The following TTLL5 variants were observed in gnomAD, a reference collection of about 807,000 sequenced individuals.
The protein encoded by TTLL5 is tubulin polyglutamylase TTLL5.
Under a neutral mutation model 168.4 loss-of-function variants are expected in TTLL5, and 132 were observed. The ratio of observed to expected loss-of-function variants is 0.78; its 90% CI spans 0.68 to 0.91. TTLL5 has a LOEUF of 0.91. Ranked by LOEUF, TTLL5 falls within the 40% of genes least tolerant of loss-of-function variation. TTLL5 has a pLI of 0.00. For missense variants in TTLL5, 1,545 were observed against 1,581.5 expected (o/e 0.98, Z 0.39); for synonymous variants, 546 against 558.6 (o/e 0.98, Z 0.32).
intron 1 of TTLL5, 50 bp from the exon 2 acceptor site, chr14:75,663,005 A>G: frequency 1.4e-6 from 1 of 732,448 alleles, no homozygotes; most frequent in Non-Finnish European, 2.5e-6. Context: ...TAAATAGACA[A>G]CTGCATTGTG....
At chr14:75,708,425 A>C (rs967580742) in intron 9 of TTLL5, among the ~76,000 whole-genome samples, 1 of 151,814 alleles carries the variant, frequency 6.6e-6, no homozygotes, top group Non-Finnish European at 1.5e-5. Context: ...CTCCAGGTTC[A>C]CGCCATTCTC....
chr14:75,814,235 GTGAT>G (rs1894244062), intron 27 of TTLL5, among the ~76,000 whole-genome samples: 2 of 152,364 alleles, frequency 1.3e-5, no homozygotes, highest in South Asian at 2.1e-4. Context: ...TGGTGAGCCA[GTGAT>G]TGATTTTGTG....
At chr14:75,763,094 A>G (rs757743494) in intron 18 of TTLL5, among the ~76,000 whole-genome samples, 2 of 152,192 alleles carry the variant, frequency 1.3e-5, no homozygotes, top group Non-Finnish European at 2.9e-5. Context: ...GTTTGTCCAT[A>G]TAGTTATCAA....
At chr14:75,747,867 T>C (rs1889706932) in intron 17 of TTLL5, among the ~76,000 whole-genome samples, 1 of 152,210 alleles carries the variant, frequency 6.6e-6, no homozygotes, top group African/African-American at 2.4e-5. Context: ...CCTAAGCAGA[T>C]TTGTATTCAC....
At chr14:75,884,114 G>A (rs886387202) in intron 30 of TTLL5, among the ~76,000 whole-genome samples, 1 of 152,228 alleles carries the variant, frequency 6.6e-6, no homozygotes, top group African/African-American at 2.4e-5. Flanking sequence ...TGTTAACAGA[G>A]TTAATATGTG....
At chr14:75,883,989 A>C (rs1188180588) in intron 30 of TTLL5, among the ~76,000 whole-genome samples, 1 of 152,216 alleles carries the variant, frequency 6.6e-6, no homozygotes, top group African/African-American at 2.4e-5. Context: ...CACTTTACTA[A>C]TATGATACCT....
At position 75,900,196 on chromosome 14, in the gene TTLL5, G is replaced by A. The variant is rs2032862135; in HGVS notation, c.3741-1946G>A. On this transcript the variant is annotated intron_variant, in intron 30 of 31. Transcript: ENST00000298832. ...TAAAATGCGTGAGGATTTCCGATGT[G>A]GCTGTCCAAGGCCGAGGCTGATGGG... Among the ~76,000 whole-genome samples, 3 of 152,100 alleles carry A rather than the reference G, an allele frequency of 2.0e-5. No individual in the cohort carries two copies. In the South Asian group the frequency reaches 6.2e-4, roughly 32 times the overall value.
chr14:75,785,021 T>A (rs1318913362), intron 26 of TTLL5, among the ~76,000 whole-genome samples: 1 of 152,164 alleles, frequency 6.6e-6, no homozygotes, highest in Non-Finnish European at 1.5e-5. Context: ...AAATATTTTT[T>A]CCCTACTTGA....
rs959120875 is a variant in TTLL5 at position 75,683,655 on chromosome 14, A to G, written c.370A>G (p.Arg124Gly). The G allele has an allele frequency of 3.1e-6, 5 of 1,612,140 alleles. No individual in the cohort carries two copies. Among genetic ancestry groups the G allele is most frequent in the Non-Finnish European group, 4.2e-6 (5 of 1,178,270 alleles). ...AGCACAAAAAGTTAATCACTTTCCC[A>G]GGTAATGCTCTTTGTAGCTGCTTTG... ...SEAQKVNHFP[R>G]SYELTRKDRL... The change falls in exon 5 of 32, where the codon AGG becomes GGG. Residue 124 changes from arginine (R) to glycine (G), a missense_variant and splice_region_variant. Arg to Gly is a moderately radical substitution (Grantham distance 125, BLOSUM62 -2). Transcript: ENST00000298832.
rs1404377569 is a variant in TTLL5, at chr14:75,732,402, C to G, written c.1107C>G (p.Leu369=). ...TLKPWLLEVN[L]SPSLACDAPL... Reference sequence around the variant, plus strand: ...AGCCATGGTTGTTGGAAGTGAATCTCTCTCCTTCTTTGGCCTGGTAAGTCA... The same window carrying G: ...AGCCATGGTTGTTGGAAGTGAATCTGTCTCCTTCTTTGGCCTGGTAAGTCA... Residue 369 remains leucine (L), a synonymous_variant, in exon 13 of 32, where the codon CTC becomes CTG. Coordinates refer to ENST00000298832, the MANE Select transcript of TTLL5 (RefSeq NM_015072.5). The G allele has an allele frequency of 1.9e-6, 3 of 1,613,522 alleles. No individual in the cohort carries two copies. Among genetic ancestry groups the G allele is most frequent in the Non-Finnish European group, 2.5e-6 (3 of 1,179,730 alleles).
At chr14:75,855,096 G>T (rs1427534823) in intron 28 of TTLL5, among the ~76,000 whole-genome samples, 2 of 144,404 alleles carry the variant, frequency 1.4e-5, no homozygotes, top group Non-Finnish European at 3.0e-5. Flanking sequence ...TAGATTCTTT[G>T]ATTTTTCCCT....
chr14:75,783,188 A>G lies in TTLL5; in HGVS notation c.2644A>G (p.Ser882Gly). The G allele has an allele frequency of 2.5e-6, 4 of 1,613,506 alleles. No homozygotes were observed. Among genetic ancestry groups the G allele is most frequent in the Non-Finnish European group, 3.4e-6 (4 of 1,179,986 alleles). Residue 882 changes from serine (S) to glycine (G), a missense_variant, in exon 26 of 32, where the codon AGC becomes GGC. Physicochemically the swap from Ser to Gly is moderately conservative, Grantham distance 56. Transcript: ENST00000298832. ...SAEKEAKLVYSNSSSGPTATL... is the reference protein window; with the variant it reads ...SAEKEAKLVYGNSSSGPTATL... Reference sequence around the variant, plus strand: ...AGAAAAAGAGGCAAAATTAGTTTATAGCAATTCCTCCTCTGGTCCTACTGC... The same window carrying G: ...AGAAAAAGAGGCAAAATTAGTTTATGGCAATTCCTCCTCTGGTCCTACTGC...
At chr14:75,778,886 G>T (rs949589839) in intron 23 of TTLL5, among the ~76,000 whole-genome samples, 9 of 152,074 alleles carry the variant, frequency 5.9e-5, no homozygotes, top group Non-Finnish European at 8.8e-5. Flanking sequence ...CTTTAGTCTC[G>T]TGCATTATAT....
At chr14:75,778,376 A>G (rs1891845972) in intron 23 of TTLL5, among the ~76,000 whole-genome samples, 1 of 152,242 alleles carries the variant, frequency 6.6e-6, no homozygotes, top group African/African-American at 2.4e-5. Flanking sequence ...AAGTGGGCAA[A>G]GGATAAGACA....
chr14:75,769,581 T>C (rs1891157991), intron 20 of TTLL5, among the ~76,000 whole-genome samples: 1 of 152,112 alleles, frequency 6.6e-6, no homozygotes, highest in Admixed American at 6.5e-5. Context: ...AACAAAACAA[T>C]GATTGAAGTC....
intron 30 of TTLL5, among the ~76,000 whole-genome samples, chr14:75,892,192 A>G (rs1378946942): frequency 1.3e-5 from 2 of 152,240 alleles, no homozygotes; most frequent in Non-Finnish European, 2.9e-5. Flanking sequence ...GTTGGCTCCC[A>G]AAGTTCACAC....
At chr14:75,708,361 C>T (rs1481541465) in intron 9 of TTLL5, among the ~76,000 whole-genome samples, 1 of 150,620 alleles carries the variant, frequency 6.6e-6, no homozygotes, top group African/African-American at 2.4e-5. Context: ...TGTTAAGGTG[C>T]TTTTTTTTGT....
intron 3 of TTLL5, 57 bp from the exon 4 acceptor site, chr14:75,681,488 A>T (rs530244229): frequency 4.3e-6 from 6 of 1,384,064 alleles, no homozygotes; most frequent in Non-Finnish European, 6.1e-6. Context: ...GTTACAGTTT[A>T]TTTTTGTTTT....
At position 75,690,277 on chromosome 14, in the gene TTLL5, C is replaced by G. The variant is rs2140136750; in HGVS notation, c.457C>G (p.Leu153Val). 1.2e-6 allele frequency: 2 copies of G among 1,611,184 alleles called. No individual in the cohort carries two copies. The highest frequency in any genetic ancestry group is 2.2e-5 in the East Asian group (1 of 44,772). Residue 153 changes from leucine to valine, a missense_variant, in exon 6 of 32, where the codon CTC (leucine) becomes GTC (valine). Leu to Val is a conservative substitution (Grantham distance 32). Coordinates refer to ENST00000298832, the MANE Select transcript of TTLL5 (RefSeq NM_015072.5). Reference sequence around the variant, plus strand: ...ACATGGATTCAAGGCTTTTCACATCCTCCCCCAGACCTTCCTCCTGCCAGC... The same window carrying G: ...ACATGGATTCAAGGCTTTTCACATCGTCCCCCAGACCTTCCTCCTGCCAGC... ...HTHGFKAFHI[L>V]PQTFLLPAEY... is the part of the protein sequence containing the mutation.
Sources: gnomAD v4.1 joint callset for allele counts (sites outside exome capture counted in the v4.1 genomes callset) on GRCh38, gnomAD v4.1.1 for gene constraint, MANE v1.5 for transcripts, NCBI Gene and HGNC (gene_info 2026-07-23, HGNC 2026-07-21) for gene names.